TSEN2: variants seen among roughly 807,000 people sequenced by gnomAD.
TSEN2 encodes tRNA splicing endonuclease subunit 2.
Under a neutral mutation model 59.2 loss-of-function variants are expected in TSEN2, and 54 were observed. The observed-to-expected ratio is 0.91, with a 90% confidence interval of 0.73 to 1.14. The LOEUF is 1.14. Among genes scored for constraint, TSEN2 ranks in the 50% most tolerant of loss-of-function variants. The probability of loss-of-function intolerance (pLI) is 0.00; values close to 1 mark genes in which losing one functional copy is unlikely to be tolerated. For missense variants in TSEN2, 636 were observed against 576.2 expected (o/e 1.10, Z -1.06); for synonymous variants, 195 against 198.2 (o/e 0.98, Z 0.14).
chr3:12,512,570 A>G (rs299661), intron 6 of TSEN2, among the ~76,000 whole-genome samples: 82,284 of 152,094 alleles, frequency 0.54, 23,887 homozygotes, highest in African/African-American at 0.75. Context: ...TTAAATGGTG[A>G]AAGTATTACA....
At chr3:12,489,347 T>C (rs1431818517) in intron 1 of TSEN2, among the ~76,000 whole-genome samples, 1 of 152,216 alleles carries the variant, frequency 6.6e-6, no homozygotes. Flanking sequence ...TTTAATTTGT[T>C]GAGGACAGGG....
At chr3:12,520,081 C>T (rs2056506152) in intron 8 of TSEN2, among the ~76,000 whole-genome samples, 1 of 152,120 alleles carries the variant, frequency 6.6e-6, no homozygotes, top group South Asian at 2.1e-4. Flanking sequence ...TCACTGCAAC[C>T]TCCACCCCAT....
intron 6 of TSEN2, among the ~76,000 whole-genome samples, chr3:12,508,951 C>T (rs1311544239): frequency 1.3e-5 from 2 of 152,148 alleles, no homozygotes; most frequent in Non-Finnish European, 2.9e-5. Flanking sequence ...GCCTCATACT[C>T]CTGAGCTCAA....
rs777569454 is a variant in TSEN2, at chr3:12,529,816, G to T, written c.1191G>T (p.Arg397Ser). 3.1e-6 allele frequency: 5 copies of T among 1,613,982 alleles called. No individual in the cohort carries two copies. In the African/African-American group the frequency reaches 5.3e-5, roughly 17 times the overall value. ...ACCATTTTGAAGGCTCTCTCCGCAG[G>T]CCTCTCAGTTGGAAGTCCCTGGCTG... is the stretch of plus-strand genomic sequence containing the variant. ...VDDHFEGSLR[R>S]PLSWKSLAAL... Residue 397 changes from arginine (R) to serine (S), a missense_variant, in exon 10 of 12, where the codon AGG (arginine) becomes AGT (serine). Physicochemically the swap from Arg to Ser is moderately radical, Grantham distance 110. Coordinates refer to ENST00000284995, the MANE Select transcript of TSEN2 (RefSeq NM_025265.4).
intron 8 of TSEN2, among the ~76,000 whole-genome samples, chr3:12,522,733 C>A (rs937836810): frequency 5.3e-5 from 8 of 152,222 alleles, no homozygotes; most frequent in Non-Finnish European, 1.0e-4. Context: ...GGAAACTTTT[C>A]CCTTGAATAA....
intron 10 of TSEN2, 44 bp downstream of exon 10, chr3:12,529,917 T>G (rs1473322496): frequency 6.3e-7 from 1 of 1,586,510 alleles, no homozygotes; most frequent in Admixed American, 1.9e-5. Flanking sequence ...ACTTAAATGG[T>G]TCAGTTTTTT....
upstream of TSEN2, among the ~76,000 whole-genome samples, chr3:12,482,233 T>TGAA (rs1264475221): frequency 1.4e-4 from 22 of 152,322 alleles, no homozygotes; most frequent in East Asian, 3.9e-3. Context: ...GCAATTCTCT[T>TGAA]GCCTCAGCCT....
chr3:12,503,253 G>C lies in TSEN2; in HGVS notation c.309-9G>C. The C allele has an allele frequency of 3.1e-6, 5 of 1,614,078 alleles. No homozygotes were observed. Among genetic ancestry groups the C allele is most frequent in the South Asian group, 2.2e-5 (2 of 91,076 alleles). ...GAGTGCTGTTTCTAACAGTATTTCT[G>C]TCTTGCAGGTATCAGCATAGTGTTG... On this transcript the variant is annotated splice_polypyrimidine_tract_variant and intron_variant, in intron 4 of 11. Transcript: ENST00000284995.
chr3:12,481,897 A>G (rs1018168290), upstream of TSEN2, among the ~76,000 whole-genome samples: 1,666 of 150,112 alleles, frequency 0.011, 32 homozygotes, highest in African/African-American at 0.037. Context: ...CAGTTGATAT[A>G]TGTGTGTGTG....
chr3:12,535,034 TA>T (rs2057641925), downstream of TSEN2, among the ~76,000 whole-genome samples: 1 of 152,104 alleles, frequency 6.6e-6, no homozygotes, highest in South Asian at 2.1e-4. Flanking sequence ...ATTGATAATT[TA>T]AAAAAATTTG....
chr3:12,522,986 C>T (rs1054273768), intron 8 of TSEN2, among the ~76,000 whole-genome samples: 3 of 152,150 alleles, frequency 2.0e-5, no homozygotes, highest in African/African-American at 7.2e-5. Context: ...CTTCACACTC[C>T]TGTGAGGTCT....
chr3:12,532,160 A>G (rs1439581742), intron 11 of TSEN2, among the ~76,000 whole-genome samples: 2 of 151,992 alleles, frequency 1.3e-5, no homozygotes, highest in African/African-American at 4.8e-5. Flanking sequence ...AACATCCAGT[A>G]TGTCTTTGTT....
downstream of TSEN2, among the ~76,000 whole-genome samples, chr3:12,537,687 A>G (rs1575493383): frequency 3.9e-5 from 6 of 152,282 alleles, no homozygotes; most frequent in South Asian, 8.3e-4. Flanking sequence ...CACAGCTTTC[A>G]TGGTCAAACC....
chr3:12,491,728 TG>T (rs2053230053), intron 2 of TSEN2, among the ~76,000 whole-genome samples: 1 of 152,220 alleles, frequency 6.6e-6, no homozygotes, highest in Non-Finnish European at 1.5e-5. Context: ...GCGAACCTCT[TG>T]TTAACTCAGA....
chr3:12,480,311 C>G (rs1307668989), upstream of TSEN2, among the ~76,000 whole-genome samples: 1 of 152,150 alleles, frequency 6.6e-6, no homozygotes, highest in Non-Finnish European at 1.5e-5. Context: ...GCACATGGGC[C>G]TGCCCTGTGC....
intron 6 of TSEN2, chr3:12,506,934 C>T (rs1204257715): frequency 3.3e-6 from 3 of 900,114 alleles, no homozygotes; most frequent in East Asian, 2.4e-4. Flanking sequence ...GTGGCTCACA[C>T]CTGTAATCCC....
chr3:12,487,641 C>T (rs1022026958), intron 1 of TSEN2, among the ~76,000 whole-genome samples: 8 of 152,140 alleles, frequency 5.3e-5, no homozygotes, highest in Admixed American at 3.9e-4. Context: ...ATCCTGCCCC[C>T]AAAAAGCAGT....
intron 7 of TSEN2, among the ~76,000 whole-genome samples, chr3:12,518,704 CT>C (rs11360113): frequency 0.51 from 74,396 of 145,284 alleles, 19,480 homozygotes; most frequent in African/African-American, 0.65. Flanking sequence ...TATATTCTCT[CT>C]TTTTTTTTTT....
At position 12,519,129 on chromosome 3, in the gene TSEN2, T is replaced by C; in HGVS notation, c.1031T>C (p.Met344Thr). 6.2e-7 allele frequency: 1 copy of C among 1,614,254 alleles called. No individual in the cohort carries two copies. Residue 344 changes from methionine (M) to threonine (T), a missense_variant, in exon 8 of 12, where the codon ATG becomes ACG. Transcript: ENST00000284995. ...VVQPTFRTTY[M>T]AYHYFRSKGW... ...CAGCCCACGTTCAGAACCACCTACA[T>C]GGCCTACCATTACTTTCGAAGCAAG...
Sources: allele counts gnomAD v4.1 joint callset (sites outside exome capture counted in the v4.1 genomes callset), GRCh38; gene constraint gnomAD v4.1.1; transcripts MANE v1.5; gene names NCBI Gene and HGNC (gene_info 2026-07-23, HGNC 2026-07-21).